NTN1: variants seen among roughly 807,000 people sequenced by gnomAD.
The protein encoded by NTN1 is netrin-1.
In NTN1, 11 loss-of-function variants were observed where a neutral mutation model predicts 54.2. The observed-to-expected ratio is 0.20, with a 90% CI of 0.13 to 0.34. The LOEUF (loss-of-function observed/expected upper bound fraction) is 0.34. Ranked by LOEUF, NTN1 falls within the 10% of genes least tolerant of loss-of-function variation. The pLI, the probability that NTN1 is intolerant of heterozygous loss-of-function variation, is 1.00. For synonymous variants in NTN1, 371 were observed against 382.0 expected, an observed-to-expected ratio of 0.97 and a Z score of 0.33; for missense variants, 740 against 893.1, an observed-to-expected ratio of 0.83 and a Z score of 2.18.
At chr17:9,042,784 C>T (rs915301049) in intron 2 of NTN1, among the ~76,000 whole-genome samples, 3 of 147,482 alleles carry the variant, frequency 2.0e-5, no homozygotes, top group South Asian at 2.1e-4. Flanking sequence ...GAGACTCCAT[C>T]TCAAAAAAAA....
intron 2 of NTN1, among the ~76,000 whole-genome samples, chr17:9,048,721 A>G (rs2091949470): frequency 6.6e-6 from 1 of 151,902 alleles, no homozygotes; most frequent in Non-Finnish European, 1.5e-5. Flanking sequence ...CAGTGGCGCA[A>G]TCTTGGCTCA....
chr17:9,228,942 CTG>C (rs10551760), intron 6 of NTN1, among the ~76,000 whole-genome samples: 94,380 of 145,370 alleles, frequency 0.65, 29,807 homozygotes, highest in East Asian at 0.84. Context: ...GGGTGTGTGG[CTG>C]TGTGACTCTG....
the NTN1 span, among the ~76,000 whole-genome samples, chr17:9,009,897 C>T: frequency 2.0e-5 from 3 of 152,172 alleles, no homozygotes; most frequent in Admixed American, 6.5e-5. Flanking sequence ...AACAGCAGCT[C>T]CTGGGCAATT....
chr17:9,019,698 A>C (rs1227111092), upstream of NTN1, among the ~76,000 whole-genome samples: 1 of 152,252 alleles, frequency 6.6e-6, no homozygotes, highest in Non-Finnish European at 1.5e-5. Flanking sequence ...CAGCAGAGGC[A>C]GAATTTGAAC....
intron 6 of NTN1, among the ~76,000 whole-genome samples, chr17:9,234,326 C>T (rs1193694861): frequency 6.6e-6 from 1 of 152,194 alleles, no homozygotes; most frequent in Non-Finnish European, 1.5e-5. Flanking sequence ...CCTTGTTCAC[C>T]GAGCTCTGTG....
chr17:9,054,751 C>T (rs1053823892), intron 2 of NTN1, among the ~76,000 whole-genome samples: 10 of 152,042 alleles, frequency 6.6e-5, no homozygotes, highest in African/African-American at 2.2e-4. Flanking sequence ...CTGAGCCTCT[C>T]GGTGGGCCCG....
intron 5 of NTN1, among the ~76,000 whole-genome samples, chr17:9,207,127 C>T (rs915453633): frequency 3.9e-5 from 6 of 151,994 alleles, no homozygotes; most frequent in African/African-American, 1.2e-4. Context: ...GTTATGTGTC[C>T]CGGGCCCTGG....
Position 9,239,518 on chromosome 17 carries a change from TG to T in NTN1, c.1487-119del. ...TTGCCACCACCCACGCGCTCCTGTA[TG>T]GGCCACTCTGTGCAGTCACTTCCTG... On this transcript the variant is annotated intron_variant, in intron 6 of 6. Coordinates refer to ENST00000173229, the MANE Select transcript of NTN1 (RefSeq NM_004822.3). The surrounding 1 kb of genome is among the most constrained non-coding windows in gnomAD (Gnocchi z 5.2). The T allele has an allele frequency of 1.1e-6, 1 of 919,944 alleles. No individual in the cohort carries two copies. Among genetic ancestry groups the T allele is most frequent in the Non-Finnish European group, 1.6e-6 (1 of 608,576 alleles). 57.0% of individuals were successfully genotyped at this position (919,944 alleles called of 1,614,324 possible).
intron 1 of NTN1, among the ~76,000 whole-genome samples, chr17:9,022,068 G>C (rs1276176280): frequency 6.6e-6 from 1 of 152,138 alleles, no homozygotes; most frequent in Admixed American, 6.5e-5. Flanking sequence ...GGCGGCGTGG[G>C]GGCGGCGGTG....
At chr17:9,057,655 C>T (rs556794007) in intron 2 of NTN1, among the ~76,000 whole-genome samples, 7 of 152,302 alleles carry the variant, frequency 4.6e-5, no homozygotes, top group African/African-American at 1.7e-4. Context: ...AAAACATCTC[C>T]TTTAAACCAT....
intron 2 of NTN1, among the ~76,000 whole-genome samples, chr17:9,152,524 G>A (rs2092330731): frequency 6.6e-6 from 1 of 152,116 alleles, no homozygotes; most frequent in Admixed American, 6.5e-5. Context: ...CCAGGGCCAT[G>A]GCAATTCCCA....
intron 6 of NTN1, among the ~76,000 whole-genome samples, chr17:9,225,654 T>C (rs1905510075): frequency 6.6e-6 from 1 of 151,596 alleles, no homozygotes; most frequent in Non-Finnish European, 1.5e-5. Context: ...AGGTGACCAG[T>C]AGGGGGAGGG....
At chr17:9,015,842 G>T in the NTN1 span, among the ~76,000 whole-genome samples, 1 of 152,044 alleles carries the variant, frequency 6.6e-6, no homozygotes, top group Non-Finnish European at 1.5e-5. Context: ...AGGCCAAGGC[G>T]GGCGAATCAC....
At chr17:9,132,414 C>T (rs190605932) in intron 2 of NTN1, among the ~76,000 whole-genome samples, 28 of 152,298 alleles carry the variant, frequency 1.8e-4, no homozygotes, top group Non-Finnish European at 3.5e-4. Flanking sequence ...CTTGTACATC[C>T]GTCTTCTCTA....
intron 6 of NTN1, among the ~76,000 whole-genome samples, chr17:9,231,988 T>G (rs1227489926): frequency 6.6e-6 from 1 of 152,058 alleles, no homozygotes; most frequent in Non-Finnish European, 1.5e-5. Flanking sequence ...CCCTCACCGA[T>G]GCCTTTGTTC....
intron 2 of NTN1, among the ~76,000 whole-genome samples, chr17:9,105,533 T>G (rs2092162951): frequency 6.6e-6 from 1 of 152,138 alleles, no homozygotes; most frequent in Non-Finnish European, 1.5e-5. Flanking sequence ...TGGGCGTTCT[T>G]CAGTGTTCAT....
intron 2 of NTN1, among the ~76,000 whole-genome samples, chr17:9,054,937 A>C (rs2091974344): frequency 6.6e-6 from 1 of 152,214 alleles, no homozygotes; most frequent in South Asian, 2.1e-4. Context: ...AGGGCTAAAC[A>C]ATAGCGGTTT....
intron 6 of NTN1, among the ~76,000 whole-genome samples, chr17:9,228,902 TC>T (rs1352675411): frequency 2.8e-5 from 1 of 35,722 alleles, no homozygotes; most frequent in African/African-American, 1.5e-4. Context: ...GTGATTGTGT[TC>T]GTGACTGTGT....
chr17:9,227,120 G>A (rs1455775252), intron 6 of NTN1, among the ~76,000 whole-genome samples: 4 of 151,968 alleles, frequency 2.6e-5, no homozygotes, highest in Non-Finnish European at 4.4e-5. Flanking sequence ...TCCTGTCTGC[G>A]CTGCCTCCCA....
Sources: gnomAD v4.1 joint callset for allele counts (sites outside exome capture counted in the v4.1 genomes callset) on GRCh38, gnomAD v4.1.1 for gene constraint, Gnocchi (gnomAD v3.1) non-coding constraint, MANE v1.5 for transcripts, NCBI Gene and HGNC (gene_info 2026-07-23, HGNC 2026-07-21) for gene names.